Variants in TMEFF2 observed in about 807,000 individuals in gnomAD.
TMEFF2 encodes transmembrane protein with EGF like and two follistatin like domains 2.
TMEFF2 carries 28 observed loss-of-function variants against 53.8 expected under a neutral mutation model. That is an observed-to-expected ratio of 0.52 (90% CI 0.39 to 0.71). The LOEUF is 0.71. Among genes scored for constraint, TMEFF2 ranks in the 30% least tolerant of loss-of-function variants. TMEFF2 has a pLI of 0.00. For synonymous variants in TMEFF2, 162 were observed against 166.3 expected, an observed-to-expected ratio of 0.97 and a Z score of 0.20; for missense variants, 353 against 455.2, an observed-to-expected ratio of 0.78 and a Z score of 2.04.
chr2:192,192,042 C>CAA (rs149574356), intron 1 of TMEFF2, 53 bp from the exon 2 acceptor site: 1 of 1,241,634 alleles, frequency 8.1e-7, no homozygotes, highest in Admixed American at 1.9e-5. Flanking sequence ...AGATTTTTAA[C>CAA]AAAAAAAAGC....
chr2:191,952,935 C>G (rs1280207361), intron 9 of TMEFF2, among the ~76,000 whole-genome samples: 1 of 152,198 alleles, frequency 6.6e-6, no homozygotes. Context: ...TCAGTAAGGA[C>G]TATCTTCAAT....
intron 4 of TMEFF2, among the ~76,000 whole-genome samples, chr2:192,142,192 C>T (rs559822620): frequency 3.3e-5 from 5 of 152,006 alleles, no homozygotes; most frequent in African/African-American, 1.2e-4. Context: ...ACTCTGTGAA[C>T]GTTAGGTATC....
chr2:191,950,083 T>C lies in TMEFF2; in HGVS notation c.*228A>G. ...ATGGGAAAGAAAAAACTATATTGTG[T>C]GATATAAATAGTTTATTTACATTAC... On this transcript the variant is annotated 3_prime_UTR_variant, in exon 10 of 10. Coordinates refer to ENST00000272771, the MANE Select transcript of TMEFF2 (RefSeq NM_016192.4). 3 of 1,266,940 alleles carry C rather than the reference T, an allele frequency of 2.4e-6. No homozygotes were observed. Among genetic ancestry groups the C allele is most frequent in the Non-Finnish European group, 2.0e-6 (2 of 997,420 alleles). The allele number at this position is 1,266,940 out of a possible 1,614,324, so 78.5% of individuals were successfully genotyped here.
intron 4 of TMEFF2, among the ~76,000 whole-genome samples, chr2:192,140,094 A>G (rs1251605232): frequency 6.6e-6 from 1 of 152,204 alleles, no homozygotes; most frequent in Non-Finnish European, 1.5e-5. Flanking sequence ...TAAAGGGATG[A>G]GGCAAAGCCA....
intron 5 of TMEFF2, among the ~76,000 whole-genome samples, chr2:192,009,890 A>G (rs1686585833): frequency 6.6e-6 from 1 of 152,200 alleles, no homozygotes. Context: ...ACTGTACTTT[A>G]TCATTTAAAA....
intron 4 of TMEFF2, among the ~76,000 whole-genome samples, chr2:192,098,165 C>T (rs930105438): frequency 2.0e-4 from 30 of 152,264 alleles, no homozygotes; most frequent in Non-Finnish European, 3.4e-4. Flanking sequence ...AAAATACTAG[C>T]TTACATGTTC....
chr2:192,182,620 A>G lies in TMEFF2; in HGVS notation c.412+1734T>C, dbSNP rs561951299. 7.2e-5 allele frequency among the ~76,000 whole-genome samples: 11 copies of G among 152,090 alleles called. No individual in the cohort carries two copies. The East Asian group carries it at 2.1e-3, about 29-fold the overall frequency. On this transcript the variant is annotated intron_variant, in intron 3 of 9. Coordinates refer to ENST00000272771, the MANE Select transcript of TMEFF2 (RefSeq NM_016192.4). ...GAACTTGGAGGTTGGCAAGTAAGAA[A>G]GAGAGATTTTGCTACATTGGCCATA...
intron 7 of TMEFF2, among the ~76,000 whole-genome samples, chr2:191,982,865 AC>A (rs1354285679): frequency 6.6e-6 from 1 of 152,272 alleles, no homozygotes; most frequent in Non-Finnish European, 1.5e-5. Context: ...ACCTCTTAGA[AC>A]AATTTCCCAA....
intron 4 of TMEFF2, among the ~76,000 whole-genome samples, chr2:192,069,264 C>CT (rs1688231616): frequency 6.6e-6 from 1 of 151,752 alleles, no homozygotes; most frequent in Non-Finnish European, 1.5e-5. Context: ...GCTAGAACCC[C>CT]TGAAGACCTC....
In TMEFF2 at chr2:192,191,961, G is replaced by A. The variant is rs1444349004; in HGVS notation, c.201C>T (p.Phe67=). The change falls in exon 2 of 10, where the codon TTC becomes TTT. Residue 67 remains phenylalanine (F), a synonymous_variant. Coordinates refer to ENST00000272771, the MANE Select transcript of TMEFF2 (RefSeq NM_016192.4). ...ATTTACAGGTGTTGGTGTCACAGAG[G>A]AAGAGATCATTTTCTCTGTCATCAT... The part of the protein sequence containing the change: ...SGYDDRENDL[F]LCDTNTCKFD... 2 of 1,612,466 alleles carry A rather than the reference G, an allele frequency of 1.2e-6. No individual in the cohort carries two copies. The highest frequency in any genetic ancestry group is 2.7e-5 in the African/African-American group (2 of 74,850).
At chr2:192,007,543 C>T (rs1368217280) in intron 5 of TMEFF2, among the ~76,000 whole-genome samples, 1 of 152,094 alleles carries the variant, frequency 6.6e-6, no homozygotes, top group Non-Finnish European at 1.5e-5. Flanking sequence ...CTGGGAGGAT[C>T]ACAGATCAGT....
chr2:192,091,003 T>A (rs370218543), intron 4 of TMEFF2, among the ~76,000 whole-genome samples: 19 of 152,282 alleles, frequency 1.2e-4, no homozygotes, highest in African/African-American at 4.3e-4. Context: ...GTTGAAAATA[T>A]TACACGTGGG....
At chr2:192,119,541 G>A (rs1689497981) in intron 4 of TMEFF2, among the ~76,000 whole-genome samples, 2 of 152,118 alleles carry the variant, frequency 1.3e-5, no homozygotes, top group Non-Finnish European at 2.9e-5. Flanking sequence ...TTAAATTGTA[G>A]ACCAATGACT....
At chr2:192,020,402 G>T (rs1220956330) in intron 5 of TMEFF2, among the ~76,000 whole-genome samples, 1 of 151,970 alleles carries the variant, frequency 6.6e-6, no homozygotes, top group African/African-American at 2.4e-5. Context: ...CAAATATCAA[G>T]ATTTTCAGGT....
chr2:192,124,886 G>GT (rs1559136683), intron 4 of TMEFF2, among the ~76,000 whole-genome samples: 1 of 152,154 alleles, frequency 6.6e-6, no homozygotes, highest in East Asian at 1.9e-4. Flanking sequence ...CCCTTGGAAA[G>GT]AGTGGGTATT....
intron 5 of TMEFF2, among the ~76,000 whole-genome samples, chr2:191,999,771 C>T (rs1164068428): frequency 6.6e-6 from 1 of 151,880 alleles, no homozygotes; most frequent in Admixed American, 6.6e-5. Context: ...GGGGGGGCCA[C>T]AAAACCCTTT....
intron 7 of TMEFF2, among the ~76,000 whole-genome samples, chr2:191,976,648 T>C (rs1685736303): frequency 6.6e-6 from 1 of 152,206 alleles, no homozygotes; most frequent in Non-Finnish European, 1.5e-5. Context: ...TTTGTTTCCT[T>C]ATCTAGAAAG....
At chr2:192,142,485 G>A (rs767244996) in intron 4 of TMEFF2, among the ~76,000 whole-genome samples, 8 of 152,018 alleles carry the variant, frequency 5.3e-5, no homozygotes, top group Non-Finnish European at 1.0e-4. Context: ...ATTGGCAAAC[G>A]ATGGGAGTAG....
intron 7 of TMEFF2, 112 bp downstream of exon 7, chr2:191,998,150 C>T: frequency 2.5e-6 from 2 of 805,840 alleles, no homozygotes; most frequent in Non-Finnish European, 3.9e-6. Flanking sequence ...AGAAGGCTAG[C>T]ACATGTTAGA....
Sources: allele counts gnomAD v4.1 joint callset (sites outside exome capture counted in the v4.1 genomes callset), GRCh38; gene constraint gnomAD v4.1.1; transcripts MANE v1.5; gene names NCBI Gene and HGNC (gene_info 2026-07-23, HGNC 2026-07-21).